GPRC6A: variants seen among roughly 807,000 people sequenced by gnomAD.
The protein encoded by GPRC6A is G protein-coupled receptor class C group 6 member A, also known as G protein-coupled receptor family C group 6 member A.
GPRC6A carries 54 observed loss-of-function variants against 47.0 expected under a neutral mutation model. That is an observed-to-expected ratio of 1.15 (90% CI 0.92 to 1.44). The LOEUF (loss-of-function observed/expected upper bound fraction) is 1.44. Ranked by LOEUF, GPRC6A falls within the 40% of genes most tolerant of loss-of-function variation. GPRC6A has a pLI of 0.00. For synonymous variants in GPRC6A, 347 were observed against 377.1 expected (o/e 0.92, Z 0.93); for missense variants, 1,112 against 1,105.5 (o/e 1.01, Z -0.08).
At chr6:116,795,275 T>G (rs552090794) in intron 5 of GPRC6A, among the ~76,000 whole-genome samples, 44 of 152,290 alleles carry the variant, frequency 2.9e-4, no homozygotes, top group African/African-American at 1.0e-3. Context: ...AGTGCCAGGA[T>G]GTGCACACCT....
intron 1 of GPRC6A, among the ~76,000 whole-genome samples, chr6:116,823,858 A>C (rs950610763): frequency 6.6e-6 from 1 of 152,068 alleles, no homozygotes; most frequent in South Asian, 2.1e-4. Flanking sequence ...ATTAGGAGGA[A>C]GAAAGAGGGA....
chr6:116,824,714 A>G (rs1175939442), intron 1 of GPRC6A, among the ~76,000 whole-genome samples: 4 of 152,030 alleles, frequency 2.6e-5, no homozygotes, highest in Admixed American at 2.0e-4. Flanking sequence ...AAAATTCAAG[A>G]GGATGGAATT....
At position 116,792,413 on chromosome 6, in the gene GPRC6A, A is replaced by G. The variant is rs770426370; in HGVS notation, c.2510T>C (p.Ile837Thr). Reference sequence around the variant, plus strand: ...TGTGTTAATCTCTTGCTTACAAATAATAACATAGCATTTGGGGATGAATGT... The same window carrying G: ...TGTGTTAATCTCTTGCTTACAAATAGTAACATAGCATTTGGGGATGAATGT... ...YCTFIPKCYVIICKQEINTKS... is the reference protein window; with the variant it reads ...YCTFIPKCYVTICKQEINTKS... The change falls in exon 6 of 6, where the codon ATT becomes ACT. Residue 837 changes from isoleucine to threonine, a missense_variant. By Grantham distance (89) the Ile-to-Thr change is moderately conservative (BLOSUM62 -1). Coordinates refer to ENST00000310357, the MANE Select transcript of GPRC6A (RefSeq NM_148963.4). 3.1e-6 allele frequency: 5 copies of G among 1,614,098 alleles called. No individual in the cohort carries two copies. In the South Asian group the frequency reaches 5.5e-5, roughly 18 times the overall value.
chr6:116,792,357 A>C lies in GPRC6A; in HGVS notation c.2566T>G (p.Tyr856Asp). ...ATGCTGCTCACACTATGGGAAGAAT[A>C]ACTGTAGATCATCTTGAGAAAGGCA... is the stretch of plus-strand genomic sequence containing the variant. ...KSAFLKMIYS[Y>D]SSHSVSSIAL... Residue 856 changes from tyrosine to aspartate, a missense_variant, in exon 6 of 6, where the codon TAT (tyrosine) becomes GAT (aspartate). Coordinates refer to ENST00000310357, the MANE Select transcript of GPRC6A (RefSeq NM_148963.4). 1 of 1,614,046 alleles carries C rather than the reference A, an allele frequency of 6.2e-7. No homozygotes were observed. The highest frequency in any genetic ancestry group is 1.7e-4 in the Middle Eastern group (1 of 6,058).
At chr6:116,804,033 CA>C (rs1345596840) in intron 3 of GPRC6A, among the ~76,000 whole-genome samples, 2 of 152,066 alleles carry the variant, frequency 1.3e-5, no homozygotes, top group Non-Finnish European at 2.9e-5. Context: ...AACATTGAGA[CA>C]CCAAACATTT....
At position 116,807,140 on chromosome 6, in the gene GPRC6A, C is replaced by CA; in HGVS notation, c.564dup (p.Val189CysfsTer4). ...TTAATTTGATGGAAGTCACTGGGCA[C>CA]AGTCCGTAAAAATGAAGGAAAGCGA... is the stretch of plus-strand genomic sequence containing the variant. On this transcript the variant is annotated frameshift_variant, in exon 3 of 6. Transcript: ENST00000310357. LOFTEE classifies it high-confidence loss of function. 1 of 1,613,586 alleles carries CA rather than the reference C, an allele frequency of 6.2e-7. No homozygotes were observed. The highest frequency in any genetic ancestry group is 2.2e-5 in the East Asian group (1 of 44,878).
intron 1 of GPRC6A, among the ~76,000 whole-genome samples, chr6:116,814,273 T>C (rs956888724): frequency 2.6e-5 from 4 of 152,216 alleles, no homozygotes; most frequent in East Asian, 1.9e-4. Context: ...CAAAGGATTA[T>C]AAATCATGCT....
intron 1 of GPRC6A, among the ~76,000 whole-genome samples, chr6:116,815,240 T>C (rs766512494): frequency 6.6e-5 from 10 of 152,114 alleles, no homozygotes; most frequent in Non-Finnish European, 1.2e-4. Context: ...CCCAGCACTT[T>C]GGGAGGCTGA....
chr6:116,803,193 C>A lies in GPRC6A; in HGVS notation c.1336-2397G>T, dbSNP rs543824479. On this transcript the variant is annotated intron_variant, in intron 3 of 5. Transcript: ENST00000310357. ...GTCATCATTTACATCCAATTGATCT[C>A]CAAATATTCTTCATCCTCCCTCTTA... is the stretch of plus-strand genomic sequence containing the variant. 5.9e-5 allele frequency among the ~76,000 whole-genome samples: 9 copies of A among 152,054 alleles called. No homozygotes were observed. In the East Asian group the frequency reaches 1.7e-3, roughly 29 times the overall value.
At position 116,828,851 on chromosome 6, in the gene GPRC6A, G is replaced by C. The variant is rs555106998; in HGVS notation, c.163C>G (p.Pro55Ala). 6.2e-7 allele frequency: 1 copy of C among 1,612,886 alleles called. No individual in the cohort carries two copies. Among genetic ancestry groups the C allele is most frequent in the African/African-American group, 1.3e-5 (1 of 74,976 alleles). Residue 55 changes from proline (P) to alanine (A), a missense_variant, in exon 1 of 6, where the codon CCC becomes GCC. By Grantham distance (27) the Pro-to-Ala change is conservative (BLOSUM62 -1). Transcript: ENST00000310357. Reference sequence around the variant, plus strand: ...CACTCCTGGATTTGTGGTCGTCTGGGAGAGTCTTCTGAGGACAACATTTTT... The same window carrying C: ...CACTCCTGGATTTGTGGTCGTCTGGCAGAGTCTTCTGAGGACAACATTTTT... Reference protein sequence around the residue: ...HEKMLSSEDSPRRPQIQECVG... With the variant: ...HEKMLSSEDSARRPQIQECVG...
At chr6:116,812,484 T>C (rs1773058383) in intron 1 of GPRC6A, among the ~76,000 whole-genome samples, 1 of 152,172 alleles carries the variant, frequency 6.6e-6, no homozygotes, top group Non-Finnish European at 1.5e-5. Context: ...GATATTCATC[T>C]ACCAAACCAC....
chr6:116,818,285 A>G (rs1266443032), intron 1 of GPRC6A, among the ~76,000 whole-genome samples: 4 of 151,930 alleles, frequency 2.6e-5, no homozygotes, highest in South Asian at 2.1e-4. Context: ...CTGTAATCCC[A>G]GCACTTTGGG....
intron 1 of GPRC6A, among the ~76,000 whole-genome samples, chr6:116,819,981 A>G (rs1195658226): frequency 6.6e-6 from 1 of 150,526 alleles, no homozygotes; most frequent in African/African-American, 2.5e-5. Context: ...TAAAGAAAAA[A>G]AGAGAGAAGA....
intron 1 of GPRC6A, among the ~76,000 whole-genome samples, chr6:116,811,568 G>C (rs2114602857): frequency 6.6e-6 from 1 of 152,046 alleles, no homozygotes; most frequent in East Asian, 1.9e-4. Context: ...TCTAAAGAAG[G>C]ATAGTGAGAT....
chr6:116,818,214 G>A (rs562816146), intron 1 of GPRC6A, among the ~76,000 whole-genome samples: 1 of 152,018 alleles, frequency 6.6e-6, no homozygotes, highest in Non-Finnish European at 1.5e-5. Context: ...AGAAGAGAGT[G>A]GGGGCCAATA....
chr6:116,821,530 G>C (rs1773479284), intron 1 of GPRC6A, among the ~76,000 whole-genome samples: 1 of 152,072 alleles, frequency 6.6e-6, no homozygotes, highest in Non-Finnish European at 1.5e-5. Flanking sequence ...CAATGGAACA[G>C]AACAGAGCCC....
Position 116,806,990 on chromosome 6 carries a change from T to C in GPRC6A, c.715A>G (p.Ile239Val), listed in dbSNP as rs761310741. The C allele has an allele frequency of 6.2e-7, 1 of 1,613,528 alleles. No individual in the cohort carries two copies. The highest frequency in any genetic ancestry group is 8.5e-7 in the Non-Finnish European group (1 of 1,179,680). ...IIQAEANNVCIAFKEVLPAFL... is the reference protein window; with the variant it reads ...IIQAEANNVCVAFKEVLPAFL... ...GCTGGAAGAACCTCTTTGAAGGCTATGCACACGTTATTTGCTTCAGCCTGA... is the reference window on the plus strand; with the variant it reads ...GCTGGAAGAACCTCTTTGAAGGCTACGCACACGTTATTTGCTTCAGCCTGA... Residue 239 changes from isoleucine to valine, a missense_variant, in exon 3 of 6, where the codon ATA becomes GTA. By Grantham distance (29) the Ile-to-Val change is conservative. Transcript: ENST00000310357.
intron 3 of GPRC6A, among the ~76,000 whole-genome samples, chr6:116,802,387 G>C (rs1402070416): frequency 6.6e-6 from 1 of 151,932 alleles, no homozygotes; most frequent in East Asian, 1.9e-4. Context: ...ACTATCAATT[G>C]ACACTACAAA....
intron 3 of GPRC6A, among the ~76,000 whole-genome samples, chr6:116,803,086 C>CA (rs1772727602): frequency 6.6e-6 from 1 of 152,076 alleles, no homozygotes; most frequent in Admixed American, 6.6e-5. Context: ...ACCAGACCTC[C>CA]ACTTTTCTCT....
Sources: gnomAD v4.1 joint callset for allele counts (sites outside exome capture counted in the v4.1 genomes callset) on GRCh38, gnomAD v4.1.1 for gene constraint, MANE v1.5 for transcripts, NCBI Gene and HGNC (gene_info 2026-07-23, HGNC 2026-07-21) for gene names.